MYT1L: variants seen among roughly 807,000 people sequenced by gnomAD.
MYT1L encodes the protein myelin transcription factor 1-like protein.
A neutral mutation model predicts 126.7 loss-of-function variants in MYT1L; 12 were observed. The ratio of observed to expected loss-of-function variants is 0.09; its 90% confidence interval spans 0.06 to 0.15. The LOEUF is 0.15. Ranked by LOEUF, MYT1L falls within the 10% of genes least tolerant of loss-of-function variation. The probability of loss-of-function intolerance (pLI) is 1.00; values close to 1 mark genes in which losing one functional copy is unlikely to be tolerated. For missense variants in MYT1L, 979 were observed against 1,585.2 expected (o/e 0.62, Z 6.49); for synonymous variants, 541 against 604.2 (o/e 0.90, Z 1.53).
At chr2:1,962,071 T>C (rs1396972832) in intron 8 of MYT1L, among the ~76,000 whole-genome samples, 1 of 152,244 alleles carries the variant, frequency 6.6e-6, no homozygotes. Flanking sequence ...ACTATGAAAC[T>C]ACATACATCT....
intron 3 of MYT1L, among the ~76,000 whole-genome samples, chr2:2,131,868 C>T (rs1338644084): frequency 1.4e-5 from 2 of 148,058 alleles, no homozygotes; most frequent in Non-Finnish European, 3.0e-5. Context: ...GGTACATGGT[C>T]TCTAATTCTG....
chr2:1,849,154 C>CA (rs11332745), intron 19 of MYT1L, among the ~76,000 whole-genome samples: 83 of 145,474 alleles, frequency 5.7e-4, no homozygotes, highest in South Asian at 1.5e-3. Context: ...CAACTCCCAC[C>CA]AAAAAAAAAA....
Position 1,874,057 on chromosome 2 carries a change from AAGGAGAGGG to A in MYT1L, c.2711+12473_2711+12481del, listed in dbSNP as rs2046576543. Among the ~76,000 whole-genome samples the A allele has an allele frequency of 2.0e-4, 15 of 74,584 alleles. No individual in the cohort carries two copies. In the South Asian group the frequency reaches 4.4e-3, roughly 22 times the overall value. The allele number at this position is 74,584 out of a possible 152,430, so 48.9% of individuals were successfully genotyped here. On this transcript the variant is annotated intron_variant, in intron 18 of 24. Transcript: ENST00000647738. ...GTCGGGGGAAGGACAGGGAGAGGGC[AAGGAGAGGG>A]CAGCCAGGACACAGATCCAGGGGTT...
intron 13 of MYT1L, among the ~76,000 whole-genome samples, chr2:1,904,295 G>A (rs1207583665): frequency 6.6e-6 from 1 of 152,076 alleles, no homozygotes; most frequent in African/African-American, 2.4e-5. Flanking sequence ...CAGTCTCACC[G>A]GGCTCAAGGC....
chr2:2,169,288 T>C (rs1221977906), intron 3 of MYT1L, among the ~76,000 whole-genome samples: 1 of 152,208 alleles, frequency 6.6e-6, no homozygotes, highest in Admixed American at 6.5e-5. Context: ...ACTCTGCAGG[T>C]TGTGTTTCCG....
rs190555866 is a variant in MYT1L at position 1,977,663 on chromosome 2, T to C, written c.152+1502A>G. Among the ~76,000 whole-genome samples the C allele has an allele frequency of 5.3e-5, 8 of 152,316 alleles. No homozygotes were observed. In the East Asian group the frequency reaches 1.5e-3, roughly 29 times the overall value. ...GTACCCCCTAAGTATATACACCTAC[T>C]ATGTACACATAAAAATTAGAATAAA... On this transcript the variant is annotated intron_variant, in intron 8 of 24. Transcript: ENST00000647738.
chr2:2,048,986 TTTTA>T (rs778080845), intron 4 of MYT1L, among the ~76,000 whole-genome samples: 12 of 152,316 alleles, frequency 7.9e-5, no homozygotes, highest in Admixed American at 4.6e-4. Context: ...GCTCAAACAA[TTTTA>T]TTTATTTTTA....
intron 8 of MYT1L, among the ~76,000 whole-genome samples, chr2:1,956,542 TA>T (rs2058456294): frequency 6.8e-6 from 1 of 147,960 alleles, no homozygotes; most frequent in Admixed American, 6.7e-5. Context: ...TCTATCTATC[TA>T]TCTATCATCT....
chr2:2,099,055 G>A (rs2077750660), intron 3 of MYT1L, among the ~76,000 whole-genome samples: 1 of 152,204 alleles, frequency 6.6e-6, no homozygotes. Context: ...TTAAAAGCAT[G>A]AGGGAGGTGG....
intron 9 of MYT1L, among the ~76,000 whole-genome samples, chr2:1,925,680 C>T (rs1448765163): frequency 2.0e-5 from 3 of 152,148 alleles, no homozygotes; most frequent in Non-Finnish European, 2.9e-5. Flanking sequence ...CGGCAGAACG[C>T]GGACCACCTC....
intron 3 of MYT1L, among the ~76,000 whole-genome samples, chr2:2,060,928 A>G (rs1011442398): frequency 2.0e-5 from 3 of 151,556 alleles, no homozygotes; most frequent in Non-Finnish European, 4.4e-5. Context: ...TTCCAGGCTG[A>G]TATTTGTAAG....
At chr2:1,821,261 C>T (rs1336018733) in intron 21 of MYT1L, among the ~76,000 whole-genome samples, 2 of 152,172 alleles carry the variant, frequency 1.3e-5, no homozygotes, top group East Asian at 3.9e-4. Context: ...ACTCTCGCTA[C>T]TTCTTCAGAA....
At chr2:2,191,948 G>A (rs779151769) in intron 2 of MYT1L, among the ~76,000 whole-genome samples, 42 of 152,212 alleles carry the variant, frequency 2.8e-4, no homozygotes, top group Non-Finnish European at 4.8e-4. Flanking sequence ...CAGACCCTAC[G>A]TTATCCATAC....
chr2:2,185,044 A>C (rs1220309208), intron 2 of MYT1L, among the ~76,000 whole-genome samples: 1 of 152,172 alleles, frequency 6.6e-6, no homozygotes, highest in Non-Finnish European at 1.5e-5. Flanking sequence ...ATCCACTGAG[A>C]CAGCACAGCT....
intron 23 of MYT1L, chr2:1,795,795 G>C (rs571007988): frequency 6.6e-6 from 1 of 152,262 alleles, no homozygotes; most frequent in Non-Finnish European, 1.5e-5. Flanking sequence ...CTAGGAAGCA[G>C]TGCATTCCCG....
intron 2 of MYT1L, among the ~76,000 whole-genome samples, chr2:2,183,792 G>A (rs1241426957): frequency 7.2e-6 from 1 of 139,482 alleles, no homozygotes; most frequent in African/African-American, 2.7e-5. Context: ...AGGAGAGGAG[G>A]GAAGAAAAAA....
intron 22 of MYT1L, among the ~76,000 whole-genome samples, chr2:1,808,779 G>C (rs1351575258): frequency 1.3e-5 from 2 of 152,206 alleles, no homozygotes; most frequent in Non-Finnish European, 2.9e-5. Context: ...AGGGACACAG[G>C]CAGAAATGTG....
intron 2 of MYT1L, among the ~76,000 whole-genome samples, chr2:2,243,648 A>T (rs1178429016): frequency 6.6e-6 from 1 of 152,082 alleles, no homozygotes; most frequent in Non-Finnish European, 1.5e-5. Context: ...CACATGTTGC[A>T]CTCAATCCAC....
chr2:2,279,437 G>A (rs10209205), intron 2 of MYT1L, among the ~76,000 whole-genome samples: 1 of 151,460 alleles, frequency 6.6e-6, no homozygotes, highest in Admixed American at 6.6e-5. Context: ...AGGTGGAGGA[G>A]GGAAGGGAAG....
Sources: allele counts gnomAD v4.1 joint callset (sites outside exome capture counted in the v4.1 genomes callset), GRCh38; gene constraint gnomAD v4.1.1; transcripts MANE v1.5; gene names NCBI Gene and HGNC (gene_info 2026-07-23, HGNC 2026-07-21).